The following NUP214 variants were observed in gnomAD, a reference collection of about 807,000 sequenced individuals.
NUP214 encodes nuclear pore complex protein Nup214.
Under a neutral mutation model 196.2 loss-of-function variants are expected in NUP214, and 79 were observed. The ratio of observed to expected loss-of-function variants is 0.40; its 90% confidence interval spans 0.34 to 0.49. The LOEUF (loss-of-function observed/expected upper bound fraction) is 0.49. Ranked by LOEUF, NUP214 falls within the 20% of genes least tolerant of loss-of-function variation. The pLI is 0.58. For missense variants in NUP214, 2,468 were observed against 2,539.0 expected (o/e 0.97, Z 0.60); for synonymous variants, 1,020 against 990.5 (o/e 1.03, Z -0.56).
At position 131,164,101 on chromosome 9, in the gene NUP214, C is replaced by T. The variant is rs766398976; in HGVS notation, c.2850C>T (p.Phe950=). The change falls in exon 21 of 36, where the codon TTC becomes TTT. Residue 950 remains phenylalanine (F), a synonymous_variant. Coordinates refer to ENST00000359428, the MANE Select transcript of NUP214 (RefSeq NM_005085.4). ...SPMKQAQLRN[F]LAKRKTPPVR... ...TGAAACAGGCACAACTGAGAAACTT[C>T]TTGGCCAAGAGGAAGACCCCACCAG... 5 of 1,614,132 alleles carry T rather than the reference C, an allele frequency of 3.1e-6. No individual in the cohort carries two copies. In the South Asian group the frequency reaches 3.3e-5, roughly 11 times the overall value.
At chr9:131,150,242 G>A (rs1832217053) in intron 14 of NUP214, 82 bp from the exon 15 acceptor site, 14 of 1,109,386 alleles carry the variant, frequency 1.3e-5, no homozygotes, top group Middle Eastern at 4.0e-4. Flanking sequence ...TTACAGGAGC[G>A]CCACTCCCTG....
Position 131,207,104 on chromosome 9 carries a change from G to A in NUP214, c.5592+5387G>A, listed in dbSNP as rs187626117. Among the ~76,000 whole-genome samples the A allele has an allele frequency of 1.9e-3, 289 of 152,210 alleles. 2 individuals are homozygous for A. Among genetic ancestry groups the A allele is most frequent in the South Asian group, 4.4e-3 (21 of 4,820 alleles). ...AAGATGCTAGGCAGATTCTGGCTAG[G>A]ATGTAAAAGAATATAGAAAACCTTC... On this transcript the variant is annotated intron_variant, in intron 30 of 35. Transcript: ENST00000359428.
intron 17 of NUP214, among the ~76,000 whole-genome samples, chr9:131,155,329 A>G (rs149015239): frequency 0.013 from 1,907 of 151,970 alleles, 37 homozygotes; most frequent in African/African-American, 0.044. Flanking sequence ...CCACTTTTTG[A>G]TGGGATTGTT....
intron 5 of NUP214, 102 bp from the exon 6 acceptor site, chr9:131,132,494 A>T: frequency 1.0e-6 from 1 of 980,938 alleles, no homozygotes; most frequent in Non-Finnish European, 1.6e-6. Context: ...GGCCAAGGAG[A>T]TGGAACAGGT....
chr9:131,179,586 T>C (rs1833210092), intron 24 of NUP214, among the ~76,000 whole-genome samples: 1 of 152,198 alleles, frequency 6.6e-6, no homozygotes, highest in Non-Finnish European at 1.5e-5. Context: ...GCCATAGACC[T>C]TGTGGTTCTC....
chr9:131,225,672 G>T (rs749844528), intron 32 of NUP214, among the ~76,000 whole-genome samples: 1 of 152,158 alleles, frequency 6.6e-6, no homozygotes, highest in Non-Finnish European at 1.5e-5. Context: ...ACTCGTATTG[G>T]TTCTGGGAGA....
chr9:131,139,433 A>G, intron 10 of NUP214, 26 bp downstream of exon 10: 1 of 1,599,260 alleles, frequency 6.3e-7, no homozygotes. Flanking sequence ...TAGTTAGTGC[A>G]GAAATAGTCT....
At position 131,197,265 on chromosome 9, in the gene NUP214, T is replaced by C; in HGVS notation, c.3771T>C (p.Ser1257=). 1 of 1,614,192 alleles carries C rather than the reference T, an allele frequency of 6.2e-7. No individual in the cohort carries two copies. Among genetic ancestry groups the C allele is most frequent in the Non-Finnish European group, 8.5e-7 (1 of 1,180,024 alleles). The change falls in exon 29 of 36, where the codon TCT becomes TCC. Residue 1257 remains serine, a synonymous_variant. Coordinates refer to ENST00000359428, the MANE Select transcript of NUP214 (RefSeq NM_005085.4). The part of the protein sequence containing the change: ...KESSQPDAFS[S]GGGSKPSYEA... The stretch of plus-strand genomic sequence containing the variant: ...CAAGCCAGCCGGACGCATTCTCATC[T>C]GGTGGGGGAAGCAAACCTTCTTATG...
At chr9:131,168,985 C>G (rs1440515609) in intron 21 of NUP214, among the ~76,000 whole-genome samples, 2 of 149,190 alleles carry the variant, frequency 1.3e-5, no homozygotes, top group Non-Finnish European at 3.0e-5. Context: ...TTGCTAGATT[C>G]TAGAGGTGTT....
At position 131,134,936 on chromosome 9, in the gene NUP214, T is replaced by C. The variant is rs762926438; in HGVS notation, c.870T>C (p.Phe290=). ...EEKHPEIFVN[F]MEPCYGSCTE... ...AGCACCCAGAGATATTTGTGAACTT[T>C]ATGGAGCCCTGTTATGGCAGCTGCA... is the stretch of plus-strand genomic sequence containing the variant. The change falls in exon 8 of 36, where the codon TTT becomes TTC. Residue 290 remains phenylalanine, a synonymous_variant. Coordinates refer to ENST00000359428, the MANE Select transcript of NUP214 (RefSeq NM_005085.4). 6.8e-6 allele frequency: 11 copies of C among 1,614,020 alleles called. No individual in the cohort carries two copies. Among genetic ancestry groups the C allele is most frequent in the Non-Finnish European group, 9.3e-6 (11 of 1,179,910 alleles).
intron 7 of NUP214, 37 bp from the exon 8 acceptor site, chr9:131,134,861 C>A: frequency 7.3e-7 from 1 of 1,373,568 alleles, no homozygotes; most frequent in African/African-American, 1.4e-5. Context: ...AGAAAAATTG[C>A]ACATGAGAAT....
chr9:131,128,202 T>C, intron 2 of NUP214, 130 bp from the exon 3 acceptor site: 1 of 619,790 alleles, frequency 1.6e-6, no homozygotes, highest in South Asian at 2.5e-5. Context: ...GATTTATCTG[T>C]ATAACTAGGT....
intron 33 of NUP214, chr9:131,229,725 C>T (rs1327107585): frequency 3.9e-6 from 2 of 518,970 alleles, no homozygotes; most frequent in Non-Finnish European, 7.7e-6. Context: ...AGGCCCAAGG[C>T]AGGAGGAGGA....
At chr9:131,152,844 A>G (rs1347644142) in intron 17 of NUP214, among the ~76,000 whole-genome samples, 1 of 151,452 alleles carries the variant, frequency 6.6e-6, no homozygotes, top group African/African-American at 2.4e-5. Flanking sequence ...TGGCACCATC[A>G]CAGCTCACTG....
At chr9:131,130,553 A>G (rs1296506881) in intron 4 of NUP214, among the ~76,000 whole-genome samples, 1 of 152,134 alleles carries the variant, frequency 6.6e-6, no homozygotes, top group East Asian at 1.9e-4. Flanking sequence ...TTGAAAAAGC[A>G]TTTTTAGCTT....
At position 131,144,496 on chromosome 9, in the gene NUP214, G is replaced by T. The variant is rs910620459; in HGVS notation, c.1511G>T (p.Ser504Ile). Residue 504 changes from serine (S) to isoleucine (I), a missense_variant, in exon 12 of 36, where the codon AGT becomes ATT. Ser to Ile is a moderately radical substitution (Grantham distance 142, BLOSUM62 -2). Coordinates refer to ENST00000359428, the MANE Select transcript of NUP214 (RefSeq NM_005085.4). Reference sequence around the variant, plus strand: ...ACTGGGGAGCCCCCTTCATATTCCAGTGGCTCCGACAGCTCCAAAGCAGCC... The same window carrying T: ...ACTGGGGAGCCCCCTTCATATTCCATTGGCTCCGACAGCTCCAAAGCAGCC... ...TVTGEPPSYS[S>I]GSDSSKAAPG... 24 of 1,613,986 alleles carry T rather than the reference G, an allele frequency of 1.5e-5. No homozygotes were observed. Among genetic ancestry groups the T allele is most frequent in the Non-Finnish European group, 1.9e-5 (23 of 1,180,026 alleles).
chr9:131,174,396 T>TA, intron 22 of NUP214, 78 bp downstream of exon 22: 1 of 1,421,592 alleles, frequency 7.0e-7, no homozygotes, highest in East Asian at 2.5e-5. Flanking sequence ...CTGGGTCTTA[T>TA]ACTGTCACAC....
At chr9:131,157,592 G>A (rs1451864591) in intron 17 of NUP214, among the ~76,000 whole-genome samples, 2 of 151,380 alleles carry the variant, frequency 1.3e-5, no homozygotes, top group African/African-American at 4.9e-5. Flanking sequence ...AGCCACCTGA[G>A]TAGCTGGAAT....
intron 32 of NUP214, among the ~76,000 whole-genome samples, chr9:131,227,793 G>C (rs1043380829): frequency 1.3e-5 from 2 of 152,126 alleles, no homozygotes; most frequent in Non-Finnish European, 2.9e-5. Flanking sequence ...CAGCTCAGAG[G>C]ACCTGGGAGG....
Sources: gnomAD v4.1 joint callset for allele counts (sites outside exome capture counted in the v4.1 genomes callset) on GRCh38, gnomAD v4.1.1 for gene constraint, MANE v1.5 for transcripts, NCBI Gene and HGNC (gene_info 2026-07-23, HGNC 2026-07-21) for gene names.